Variants in SCFD1 observed in about 807,000 individuals in gnomAD.
The protein encoded by SCFD1 is sec1 family domain containing 1, also known as sec1 family domain-containing protein 1.
Under a neutral mutation model 103.2 loss-of-function variants are expected in SCFD1, and 37 were observed. That is an observed-to-expected ratio of 0.36 (90% CI 0.28 to 0.47). The LOEUF (loss-of-function observed/expected upper bound fraction) is 0.47, where lower values mean the gene tolerates loss of function less well. Ranked by LOEUF, SCFD1 falls within the 20% of genes least tolerant of loss-of-function variation. The pLI is 1.00. For missense variants in SCFD1, 639 were observed against 761.2 expected (o/e 0.84, Z 1.89); for synonymous variants, 264 against 245.0 (o/e 1.08, Z -0.73).
intron 14 of SCFD1, among the ~76,000 whole-genome samples, chr14:30,693,893 T>G (rs1890497301): frequency 6.6e-6 from 1 of 152,180 alleles, no homozygotes. Context: ...AAGAGTTATT[T>G]GATAATTTTT....
upstream of SCFD1, chr14:30,622,255 G>T (rs530587096): frequency 1.3e-6 from 2 of 1,563,846 alleles, no homozygotes; most frequent in East Asian, 4.5e-5. Flanking sequence ...CCGCCCTTCC[G>T]GGCTTTGCTT....
Position 30,625,406 on chromosome 14 carries a change from T to C in SCFD1, c.62-2803T>C, listed in dbSNP as rs537500939. Among the ~76,000 whole-genome samples the C allele has an allele frequency of 1.2e-4, 19 of 152,292 alleles. 1 individual carries two copies. The South Asian group carries it at 3.3e-3, about 27-fold the overall frequency. On this transcript the variant is annotated intron_variant, in intron 1 of 24. Coordinates refer to ENST00000458591, the MANE Select transcript of SCFD1 (RefSeq NM_016106.4). ...GCACCAGCTTAAAAAATTTTGATTT[T>C]GGAGCATTTCAGGTTTCAGATATTA...
chr14:30,703,925 A>G (rs1213555187), intron 17 of SCFD1, among the ~76,000 whole-genome samples: 2 of 44,050 alleles, frequency 4.5e-5, no homozygotes, highest in Non-Finnish European at 7.2e-5. Flanking sequence ...ATATATATAT[A>G]TATATATATA....
At chr14:30,642,385 C>T (rs1885370150) in intron 6 of SCFD1, among the ~76,000 whole-genome samples, 1 of 152,148 alleles carries the variant, frequency 6.6e-6, no homozygotes, top group Non-Finnish European at 1.5e-5. Flanking sequence ...CTACCACACC[C>T]AGCCTCAAAA....
intron 7 of SCFD1, among the ~76,000 whole-genome samples, chr14:30,649,059 A>G (rs1886145464): frequency 6.6e-6 from 1 of 151,844 alleles, no homozygotes. Flanking sequence ...AAATGCAGTC[A>G]CATTGATTGG....
intron 16 of SCFD1, among the ~76,000 whole-genome samples, chr14:30,701,646 G>C (rs1420479072): frequency 6.6e-6 from 1 of 152,118 alleles, no homozygotes; most frequent in Non-Finnish European, 1.5e-5. Context: ...TTAAGAATAT[G>C]TGATTTTAAA....
intron 4 of SCFD1, among the ~76,000 whole-genome samples, chr14:30,637,876 T>A (rs1396649608): frequency 3.3e-5 from 5 of 152,190 alleles, no homozygotes; most frequent in Non-Finnish European, 1.5e-5. Context: ...GAAAGCAGTT[T>A]GTACTGTATT....
At chr14:30,703,191 A>G (rs1044689930) in intron 17 of SCFD1, among the ~76,000 whole-genome samples, 4 of 151,834 alleles carry the variant, frequency 2.6e-5, no homozygotes, top group Non-Finnish European at 5.9e-5. Flanking sequence ...AAATAAGCAA[A>G]TAAATGAACA....
intron 6 of SCFD1, 133 bp from the exon 7 acceptor site, chr14:30,643,183 A>C: frequency 1.4e-6 from 1 of 716,346 alleles, no homozygotes; most frequent in Non-Finnish European, 2.4e-6. Flanking sequence ...AAAAAAAAAA[A>C]TTTAAACCAA....
In SCFD1 at chr14:30,643,513, A is replaced by G. The variant is rs73251168; in HGVS notation, c.613+108A>G. On this transcript the variant is annotated intron_variant, in intron 7 of 24. Coordinates refer to ENST00000458591, the MANE Select transcript of SCFD1 (RefSeq NM_016106.4). ...CGTTCTCACTTACCTGGATCTCTAG[A>G]GGTTCTCGAGTGGAGTAAAATATAT... 4,524 of 774,120 alleles carry G rather than the reference A, an allele frequency of 5.8e-3. 182 individuals are homozygous for G. In the African/African-American group the frequency reaches 0.07, roughly 12 times the overall value. 48.0% of individuals were successfully genotyped at this position (774,120 alleles called of 1,614,324 possible). A position where few individuals can be genotyped will look rare whatever the true frequency, so the allele number is the denominator to read the frequency against.
intron 23 of SCFD1, among the ~76,000 whole-genome samples, chr14:30,725,316 G>A (rs574458089): frequency 3.6e-4 from 55 of 152,168 alleles, no homozygotes; most frequent in Non-Finnish European, 3.4e-4. Flanking sequence ...CTATCCATGA[G>A]CATGGAATGT....
intron 10 of SCFD1, chr14:30,669,995 A>G: frequency 3.2e-6 from 1 of 312,070 alleles, no homozygotes; most frequent in Non-Finnish European, 5.8e-6. Flanking sequence ...GTGCTATTAT[A>G]TGCATCAATG....
chr14:30,700,879 T>C (rs1467088609), intron 16 of SCFD1, among the ~76,000 whole-genome samples: 1 of 152,238 alleles, frequency 6.6e-6, no homozygotes, highest in Admixed American at 6.5e-5. Flanking sequence ...TTAATCAGAT[T>C]TGCTATGCTT....
rs550243952 is a variant in SCFD1, at chr14:30,653,633, G to A, written c.855+45G>A. 8 of 1,259,882 alleles carry A rather than the reference G, an allele frequency of 6.3e-6. No individual in the cohort carries two copies. In the East Asian group the frequency reaches 1.4e-4, roughly 22 times the overall value. The allele number at this position is 1,259,882 out of a possible 1,614,324, so 78.0% of individuals were successfully genotyped here. ...ACTTATTACTGAAATATAGTAACAT[G>A]CAGTGTTCCCTTTAATTTAAAATTA... On this transcript the variant is annotated intron_variant, in intron 10 of 24. Transcript: ENST00000458591.
chr14:30,683,036 C>A lies in SCFD1; in HGVS notation c.1242+7971C>A, dbSNP rs1345450715. On this transcript the variant is annotated intron_variant, in intron 14 of 24. Transcript: ENST00000458591. ...AAAGACGACACAAGGACAGGCTGGG[C>A]AGCCTGGGTCAGGGCTCCTGACTGG... The A allele has an allele frequency of 3.8e-6, 5 of 1,330,210 alleles. No individual in the cohort carries two copies. In the African/African-American group the frequency reaches 4.5e-5, roughly 12 times the overall value. The allele number at this position is 1,330,210 out of a possible 1,614,324, so 82.4% of individuals were successfully genotyped here.
chr14:30,684,415 C>G (rs1214323918), intron 14 of SCFD1, among the ~76,000 whole-genome samples: 1 of 152,144 alleles, frequency 6.6e-6, no homozygotes, highest in Admixed American at 6.5e-5. Context: ...TGGGCTATAG[C>G]CAGTCAAATG....
Position 30,639,874 on chromosome 14 carries a change from A to C in SCFD1, c.523+10A>C. On this transcript the variant is annotated intron_variant, in intron 6 of 24. Coordinates refer to ENST00000458591, the MANE Select transcript of SCFD1 (RefSeq NM_016106.4). ...CTTGTTTCATATCGTGGTATGTAAA[A>C]ATAGAAATGTTGCAATTCTTTGTTA... The C allele has an allele frequency of 6.4e-7, 1 of 1,574,596 alleles. No individual in the cohort carries two copies.
At chr14:30,701,133 G>T (rs542000816) in intron 16 of SCFD1, among the ~76,000 whole-genome samples, 1 of 152,234 alleles carries the variant, frequency 6.6e-6, no homozygotes, top group African/African-American at 2.4e-5. Context: ...ATTTTTTGTT[G>T]TTGCTGTTGT....
At chr14:30,634,422 A>T (rs1015226740) in intron 4 of SCFD1, among the ~76,000 whole-genome samples, 1 of 152,142 alleles carries the variant, frequency 6.6e-6, no homozygotes, top group African/African-American at 2.4e-5. Context: ...ATTGTTGCTA[A>T]TCATTTACCG....
Sources: allele counts gnomAD v4.1 joint callset (sites outside exome capture counted in the v4.1 genomes callset), GRCh38; gene constraint gnomAD v4.1.1; transcripts MANE v1.5; gene names NCBI Gene and HGNC (gene_info 2026-07-23, HGNC 2026-07-21).